The following TTLL11 variants were observed in gnomAD, a reference collection of about 807,000 sequenced individuals.
The protein encoded by TTLL11 is tubulin tyrosine ligase like 11.
A neutral mutation model predicts 51.7 loss-of-function variants in TTLL11; 42 were observed. The observed-to-expected ratio is 0.81, with a 90% CI of 0.64 to 1.05. The LOEUF (loss-of-function observed/expected upper bound fraction) is 1.05. TTLL11 is among the 50% of genes least tolerant of loss of function. The pLI, the probability that TTLL11 is intolerant of heterozygous loss-of-function variation, is 0.00. For missense variants in TTLL11, 799 were observed against 940.4 expected (o/e 0.85, Z 1.97); for synonymous variants, 381 against 383.5 (o/e 0.99, Z 0.08).
intron 7 of TTLL11, among the ~76,000 whole-genome samples, chr9:121,864,605 G>C (rs1838127570): frequency 6.6e-6 from 1 of 152,196 alleles, no homozygotes; most frequent in African/African-American, 2.4e-5. Flanking sequence ...ACCGTACAAG[G>C]ATCTTTTAAG....
intron 6 of TTLL11, among the ~76,000 whole-genome samples, chr9:121,954,678 G>GCGCGCACACA (rs1554773860): frequency 6.7e-6 from 1 of 149,302 alleles, no homozygotes; most frequent in Non-Finnish European, 1.5e-5. Flanking sequence ...ACACACAGAC[G>GCGCGCACACA]CACACACACA....
chr9:122,039,053 A>G (rs1844774314), intron 2 of TTLL11, among the ~76,000 whole-genome samples: 1 of 152,194 alleles, frequency 6.6e-6, no homozygotes, highest in South Asian at 2.1e-4. Context: ...AGTGGAAACC[A>G]TGTTCTTCCA....
intron 3 of TTLL11, among the ~76,000 whole-genome samples, chr9:122,022,264 G>A (rs1844203557): frequency 6.6e-6 from 1 of 151,742 alleles, no homozygotes; most frequent in Admixed American, 6.6e-5. Context: ...TAAACCCACA[G>A]GTCCAAAAGC....
At chr9:121,954,680 A>G (rs867645598) in intron 6 of TTLL11, among the ~76,000 whole-genome samples, 3 of 148,342 alleles carry the variant, frequency 2.0e-5, no homozygotes, top group African/African-American at 7.7e-5. Context: ...ACACAGACGC[A>G]CACACACACA....
In TTLL11 at chr9:121,853,826, C is replaced by T. The variant is rs774921664; in HGVS notation, c.1840+6511G>A. The stretch of plus-strand genomic sequence containing the variant: ...TGTTGCGGCCACGTCCTGACCCTCT[C>T]ATCTGGCTGTGAGGCAGGCCCTTCT... On this transcript the variant is annotated intron_variant, in intron 8 of 8. Coordinates refer to ENST00000321582, the MANE Select transcript of TTLL11 (RefSeq NM_001139442.2). The surrounding 1 kb of genome is among the most constrained non-coding windows in gnomAD (Gnocchi z 5.6). Among the ~76,000 whole-genome samples the T allele has an allele frequency of 6.2e-4, 95 of 152,320 alleles. 1 individual carries two copies. The highest frequency in any genetic ancestry group is 1.3e-3 in the Non-Finnish European group (87 of 68,030).
chr9:121,899,992 G>A (rs1310220465), intron 6 of TTLL11, among the ~76,000 whole-genome samples: 2 of 152,178 alleles, frequency 1.3e-5, no homozygotes, highest in African/African-American at 2.4e-5. Flanking sequence ...CTTTATGGAG[G>A]AAGAAACAGT....
rs776886118 is a variant in TTLL11, at chr9:121,858,930, C to G, written c.1840+1407G>C. Among the ~76,000 whole-genome samples, 4 of 152,334 alleles carry G rather than the reference C, an allele frequency of 2.6e-5. 1 individual carries two copies. The South Asian group carries it at 8.3e-4, about 32-fold the overall frequency. On this transcript the variant is annotated intron_variant, in intron 8 of 8. Coordinates refer to ENST00000321582, the MANE Select transcript of TTLL11 (RefSeq NM_001139442.2). ...CAGGAGCAAGCTGCCCCACTCCTCACGACCCGGTGCCTCCCTTCTGTGCGT... is the reference window on the plus strand; with the variant it reads ...CAGGAGCAAGCTGCCCCACTCCTCAGGACCCGGTGCCTCCCTTCTGTGCGT...
intron 1 of TTLL11, among the ~76,000 whole-genome samples, chr9:122,041,359 C>T (rs1282334268): frequency 6.6e-6 from 1 of 152,136 alleles, no homozygotes; most frequent in Non-Finnish European, 1.5e-5. Flanking sequence ...GCTTTTCCAC[C>T]ATGATCAGGA....
chr9:121,882,038 T>C (rs962379967), intron 6 of TTLL11, among the ~76,000 whole-genome samples: 15 of 152,164 alleles, frequency 9.9e-5, no homozygotes, highest in Admixed American at 2.6e-4. Context: ...CGCAGCATTG[T>C]TGTGAGAATT....
At chr9:122,005,561 C>T (rs1023429888) in intron 3 of TTLL11, among the ~76,000 whole-genome samples, 2 of 152,158 alleles carry the variant, frequency 1.3e-5, no homozygotes, top group Non-Finnish European at 2.9e-5. Flanking sequence ...TTCTGGCTAC[C>T]CTGGCAATGA....
At position 121,870,579 on chromosome 9, in the gene TTLL11, T is replaced by C. The variant is rs1304331999; in HGVS notation, c.1651A>G (p.Arg551Gly). The change falls in exon 7 of 9, where the codon AGG (arginine) becomes GGG (glycine). Residue 551 changes from arginine to glycine, a missense_variant. Coordinates refer to ENST00000321582, the MANE Select transcript of TTLL11 (RefSeq NM_001139442.2). ...AACCGGATAAACAAATTTGCCATCC[T>C]GTCCACCAGGCGCAGGTAGTTGAAC... ...KQFNYLRLVD[R>G]MANLFIRFLG... 6.4e-7 allele frequency: 1 copy of C among 1,551,768 alleles called. No individual in the cohort carries two copies. The highest frequency in any genetic ancestry group is 1.2e-5 in the South Asian group (1 of 84,062).
At chr9:121,838,966 G>T (rs1340708469) in intron 8 of TTLL11, among the ~76,000 whole-genome samples, 1 of 152,118 alleles carries the variant, frequency 6.6e-6, no homozygotes, top group South Asian at 2.1e-4. Context: ...CCCTGCTCCC[G>T]TCACCCTGCG....
chr9:121,917,858 T>A (rs1290919004), intron 6 of TTLL11, among the ~76,000 whole-genome samples: 2 of 152,198 alleles, frequency 1.3e-5, no homozygotes, highest in African/African-American at 4.8e-5. Context: ...TAAGCCCATA[T>A]AATGAAATAA....
rs1843018280 is a variant in TTLL11 at position 121,989,112 on chromosome 9, A to G, written c.1269+83T>C. 6.4e-7 allele frequency: 1 copy of G among 1,560,760 alleles called. No individual in the cohort carries two copies. Among genetic ancestry groups the G allele is most frequent in the Non-Finnish European group, 8.7e-7 (1 of 1,151,550 alleles). On this transcript the variant is annotated intron_variant, in intron 4 of 8. Coordinates refer to ENST00000321582, the MANE Select transcript of TTLL11 (RefSeq NM_001139442.2). The surrounding 1 kb of genome is among the most constrained non-coding windows in gnomAD (Gnocchi z 4.2). ...CCCCTCCTCTGGCCATCCCACCCCGATCACTCATCCTACACGAAGCCAGAG... is the reference window on the plus strand; with the variant it reads ...CCCCTCCTCTGGCCATCCCACCCCGGTCACTCATCCTACACGAAGCCAGAG...
rs1297234932 is a variant in TTLL11, at chr9:121,826,549, ATG to A, written c.1841-3672_1841-3671del. 4.8e-3 allele frequency among the ~76,000 whole-genome samples: 145 copies of A among 30,088 alleles called. 8 individuals carry two copies. The highest frequency in any genetic ancestry group is 0.011 in the East Asian group (4 of 374). 19.7% of individuals were successfully genotyped at this position (30,088 alleles called of 152,430 possible). A position where few individuals can be genotyped will look rare whatever the true frequency, so the allele number is the denominator to read the frequency against. ...TATATGTGTGTGTGTATATATATAT[ATG>A]TGTGTGTATATATATATATATATAT... On this transcript the variant is annotated intron_variant, in intron 8 of 8. Coordinates refer to ENST00000321582, the MANE Select transcript of TTLL11 (RefSeq NM_001139442.2).
At chr9:121,884,555 T>C (rs1036401051) in intron 6 of TTLL11, 7 of 152,146 alleles carry the variant, frequency 4.6e-5, no homozygotes, top group African/African-American at 1.7e-4. Context: ...CGCTCCACAA[T>C]GCTCGGGAGA....
intron 6 of TTLL11, among the ~76,000 whole-genome samples, chr9:121,878,786 G>A (rs796601865): frequency 9.2e-5 from 14 of 152,340 alleles, no homozygotes; most frequent in African/African-American, 3.1e-4. Flanking sequence ...CATGGAGCGC[G>A]TGTCTTCGCC....
chr9:121,832,984 T>G (rs1264952611), intron 8 of TTLL11, among the ~76,000 whole-genome samples: 1 of 143,918 alleles, frequency 6.9e-6, no homozygotes, highest in East Asian at 2.0e-4. Context: ...TGGGGGGGAG[T>G]TTTCAAAGAT....
At chr9:122,010,468 A>G (rs1352458625) in intron 3 of TTLL11, among the ~76,000 whole-genome samples, 2 of 152,186 alleles carry the variant, frequency 1.3e-5, no homozygotes, top group African/African-American at 2.4e-5. Context: ...TCATTTACGT[A>G]TGGATGGTCT....
Sources: allele counts gnomAD v4.1 joint callset (sites outside exome capture counted in the v4.1 genomes callset), GRCh38; gene constraint gnomAD v4.1.1; non-coding constraint Gnocchi (gnomAD v3.1); transcripts MANE v1.5; gene names NCBI Gene and HGNC (gene_info 2026-07-23, HGNC 2026-07-21).